GAREM2: variants seen among roughly 807,000 people sequenced by gnomAD.
GAREM2 encodes the protein GRB2 associated regulator of MAPK1 subtype 2, also known as GRB2-associated and regulator of MAPK protein 2.
GAREM2 carries 30 observed loss-of-function variants against 55.6 expected under a neutral mutation model. The observed-to-expected ratio is 0.54, with a 90% CI of 0.40 to 0.73. GAREM2 has a LOEUF of 0.73. Among genes scored for constraint, GAREM2 ranks in the 30% least tolerant of loss-of-function variants. The pLI is 0.00. For missense variants in GAREM2, 1,075 were observed against 1,257.7 expected (o/e 0.85, Z 2.20); for synonymous variants, 550 against 569.1 (o/e 0.97, Z 0.48).
chr2:26,176,520 A>AG, intron 2 of GAREM2, 36 bp downstream of exon 2: 3 of 1,469,492 alleles, frequency 2.0e-6, no homozygotes, highest in Non-Finnish European at 1.8e-6. Context: ...TAAAGCCTGT[A>AG]GGGGGGTGTA....
the GAREM2 span, among the ~76,000 whole-genome samples, chr2:26,203,187 G>A: frequency 6.6e-6 from 1 of 152,238 alleles, no homozygotes; most frequent in Non-Finnish European, 1.5e-5. Context: ...AAACCTGCCA[G>A]GTCCTGGTTA....
chr2:26,185,289 G>T lies in GAREM2; in HGVS notation c.1428+13G>T, dbSNP rs561335671. On this transcript the variant is annotated intron_variant, in intron 4 of 5. Transcript: ENST00000401533. ...CAAATCCGAGGCGGTGAGTGAGCGC[G>T]CTGGGGGCCGAGTCCCGGGTCCAGC... is the stretch of plus-strand genomic sequence containing the variant. 3.5e-5 allele frequency: 52 copies of T among 1,497,484 alleles called. No homozygotes were observed. The African/African-American group carries it at 6.9e-4, about 20-fold the overall frequency. 92.8% of individuals were successfully genotyped at this position (1,497,484 alleles called of 1,614,324 possible).
Position 26,173,240 on chromosome 2 carries a change from G to A in GAREM2, c.20G>A (p.Gly7Glu), listed in dbSNP as rs1668757667. The change falls in exon 1 of 6, where the codon GGG becomes GAG. Residue 7 changes from glycine to glutamate, a missense_variant. Around this residue, in one of 6 missense-constraint regions of GAREM2, gnomAD observed 230 missense variants for 310.6 expected, o/e 0.74. Transcript: ENST00000401533. ...CATGCCATGGAGAAGCTGGCGGCCGGGCTGGCCGGCCTGCGCTGGAGCATG... is the reference window on the plus strand; with the variant it reads ...CATGCCATGGAGAAGCTGGCGGCCGAGCTGGCCGGCCTGCGCTGGAGCATG... MEKLAAGLAGLRWSMGA... is the reference protein window; with the variant it reads MEKLAAELAGLRWSMGA... The A allele has an allele frequency of 1.5e-6, 2 of 1,340,574 alleles. No individual in the cohort carries two copies. Among genetic ancestry groups the A allele is most frequent in the Admixed American group, 3.4e-5 (1 of 29,450 alleles). The allele number at this position is 1,340,574 out of a possible 1,614,324, so 83.0% of individuals were successfully genotyped here. A position where few individuals can be genotyped will look rare whatever the true frequency, so the allele number is the denominator to read the frequency against.
At chr2:26,196,928 G>A in the GAREM2 span, among the ~76,000 whole-genome samples, 2 of 152,148 alleles carry the variant, frequency 1.3e-5, no homozygotes, top group Non-Finnish European at 2.9e-5. Flanking sequence ...TCAGGTCCCC[G>A]CATCACTTCT....
At chr2:26,195,241 G>C in the GAREM2 span, 1 of 1,611,250 alleles carries the variant, frequency 6.2e-7, no homozygotes, top group Non-Finnish European at 8.5e-7. Flanking sequence ...ACCTGGCAAG[G>C]GGAACCAAAA....
chr2:26,182,098 C>A, intron 2 of GAREM2: 1 of 1,079,834 alleles, frequency 9.3e-7, no homozygotes, highest in Non-Finnish European at 1.1e-6. Flanking sequence ...GATGCCAGGG[C>A]GGCTCAGAGC....
At chr2:26,191,234 G>A (rs763666520), downstream of GAREM2, 41 of 1,610,876 alleles carry the variant, frequency 2.5e-5, no homozygotes, top group Admixed American at 1.2e-4. Flanking sequence ...CTGACTGAGC[G>A]AGGCATGAGG....
downstream of GAREM2, chr2:26,193,588 T>C: frequency 6.2e-7 from 1 of 1,613,264 alleles, no homozygotes; most frequent in South Asian, 1.1e-5. Context: ...TAGGAAGCCC[T>C]TGGACACCAT....
At chr2:26,194,464 G>A, downstream of GAREM2, 1 of 783,636 alleles carries the variant, frequency 1.3e-6, no homozygotes, top group East Asian at 2.5e-5. Context: ...ACAAGAGCAG[G>A]AGTTGGTGTA....
At chr2:26,192,248 G>A (rs1669529120), downstream of GAREM2, 3 of 860,108 alleles carry the variant, frequency 3.5e-6, no homozygotes, top group Admixed American at 1.7e-5. Context: ...AAGAGGGGCT[G>A]GGAAGCTTTG....
In GAREM2 at chr2:26,176,371, G is replaced by C; in HGVS notation, c.140G>C (p.Arg47Pro). Residue 47 changes from arginine to proline, a missense_variant, in exon 2 of 6, where the codon CGA (arginine) becomes CCA (proline). Around this residue, in one of 6 missense-constraint regions of GAREM2, gnomAD observed 230 missense variants for 310.6 expected, o/e 0.74. Transcript: ENST00000401533. ...GAGTACGCCGAGGGCGTCAGTGAGC[G>C]AGACATCCTGCTCATCCACTCCTGC... ...PGEYAEGVSE[R>P]DILLIHSCRQ... 1.3e-6 allele frequency: 2 copies of C among 1,548,224 alleles called. No homozygotes were observed. The highest frequency in any genetic ancestry group is 1.7e-6 in the Non-Finnish European group (2 of 1,145,052).
chr2:26,179,469 C>T lies in GAREM2; in HGVS notation c.253+2985C>T, dbSNP rs1668973878. ...ACCCACGTTCTTTACTGAGTGTGTG[C>T]TGTGGGGCAGGCATGGAGAAGGGTG... is the stretch of plus-strand genomic sequence containing the variant. On this transcript the variant is annotated intron_variant, in intron 2 of 5. Coordinates refer to ENST00000401533, the MANE Select transcript of GAREM2 (RefSeq NM_001168241.2). This position sits in a 1 kb window ranked among gnomAD's most constrained non-coding sequence, Gnocchi z 4.7. Among the ~76,000 whole-genome samples the T allele has an allele frequency of 6.6e-6, 1 of 152,164 alleles. No individual in the cohort carries two copies. Among genetic ancestry groups the T allele is most frequent in the African/African-American group, 2.4e-5 (1 of 41,438 alleles).
chr2:26,177,440 A>G (rs1251233214), intron 2 of GAREM2, among the ~76,000 whole-genome samples: 1 of 152,116 alleles, frequency 6.6e-6, no homozygotes, highest in Non-Finnish European at 1.5e-5. Flanking sequence ...AGTCTTGTCA[A>G]CTCCATTTAA....
At position 26,182,881 on chromosome 2, in the gene GAREM2, G is replaced by C. The variant is rs141788237; in HGVS notation, c.254-86G>C. On this transcript the variant is annotated intron_variant, in intron 2 of 5. Coordinates refer to ENST00000401533, the MANE Select transcript of GAREM2 (RefSeq NM_001168241.2). Reference sequence around the variant, plus strand: ...TGAGGGGCTGGCCGAGATTATGGTAGCAAGTGACCATGAAGGCTCTTGGGA... The same window carrying C: ...TGAGGGGCTGGCCGAGATTATGGTACCAAGTGACCATGAAGGCTCTTGGGA... The C allele has an allele frequency of 4.1e-4, 610 of 1,476,138 alleles. 1 individual carries two copies. The African/African-American group carries it at 8.0e-3, about 19-fold the overall frequency. 91.4% of individuals were successfully genotyped at this position (1,476,138 alleles called of 1,614,324 possible). A position where few individuals can be genotyped will look rare whatever the true frequency, so the allele number is the denominator to read the frequency against.
chr2:26,181,764 G>C (rs1247811000), intron 2 of GAREM2: 1 of 153,210 alleles, frequency 6.5e-6, no homozygotes, highest in Non-Finnish European at 1.4e-5. Context: ...AGGATTGCTC[G>C]AGCCCAGGAG....
downstream of GAREM2, among the ~76,000 whole-genome samples, chr2:26,192,734 C>CA (rs965732861): frequency 6.3e-4 from 93 of 148,624 alleles, no homozygotes; most frequent in East Asian, 2.2e-3. Flanking sequence ...GACTCTGTCT[C>CA]AAAAAAAAAC....
downstream of GAREM2, chr2:26,192,274 T>C: frequency 9.2e-7 from 1 of 1,091,380 alleles, no homozygotes. Flanking sequence ...TCAGAGAAAG[T>C]CAATTTCCAG....
chr2:26,199,081 A>AC, the GAREM2 span, among the ~76,000 whole-genome samples: 2 of 152,068 alleles, frequency 1.3e-5, no homozygotes, highest in Admixed American at 1.3e-4. Flanking sequence ...AGTTTTTAGT[A>AC]AAGACAGGGT....
In GAREM2 at chr2:26,179,999, C is replaced by T. The variant is rs1668992234; in HGVS notation, c.254-2968C>T. Among the ~76,000 whole-genome samples the T allele has an allele frequency of 6.6e-6, 1 of 152,096 alleles. No homozygotes were observed. The highest frequency in any genetic ancestry group is 2.4e-5 in the African/African-American group (1 of 41,394). On this transcript the variant is annotated intron_variant, in intron 2 of 5. Coordinates refer to ENST00000401533, the MANE Select transcript of GAREM2 (RefSeq NM_001168241.2). This position sits in a 1 kb window ranked among gnomAD's most constrained non-coding sequence, Gnocchi z 4.7. ...AGGAGGCTACTCAGTGCCTGCAGTT[C>T]CTGCTTCCCAAGTCCTAGACCCCTG...
Sources: gnomAD v4.1 joint callset for allele counts (sites outside exome capture counted in the v4.1 genomes callset) on GRCh38, gnomAD v4.1.1 for gene constraint, gnomAD v4.1.1 regional missense constraint, Gnocchi (gnomAD v3.1) non-coding constraint, MANE v1.5 for transcripts, NCBI Gene and HGNC (gene_info 2026-07-23, HGNC 2026-07-21) for gene names.